The following LRP1B variants were observed in gnomAD, a reference collection of about 807,000 sequenced individuals.
LRP1B encodes the protein LDL receptor related protein 1B, also known as low-density lipoprotein receptor-related protein 1B.
A neutral mutation model predicts 556.6 loss-of-function variants in LRP1B; 217 were observed. The observed-to-expected ratio is 0.39, with a 90% confidence interval of 0.35 to 0.44. LRP1B has a LOEUF of 0.44. Among genes scored for constraint, LRP1B ranks in the 20% least tolerant of loss-of-function variants. LRP1B has a pLI of 1.00. For synonymous variants in LRP1B, 2,047 were observed against 1,865.8 expected, an observed-to-expected ratio of 1.10 and a Z score of -2.50; for missense variants, 5,053 against 5,620.8, an observed-to-expected ratio of 0.90 and a Z score of 3.23.
At chr2:141,798,202 A>G (rs1695885124) in intron 2 of LRP1B, among the ~76,000 whole-genome samples, 1 of 151,968 alleles carries the variant, frequency 6.6e-6, no homozygotes, top group African/African-American at 2.4e-5. Context: ...TGATGTGAAC[A>G]TGACAAATAT....
intron 2 of LRP1B, among the ~76,000 whole-genome samples, chr2:141,623,983 C>T (rs143538246): frequency 6.2e-4 from 79 of 128,384 alleles, no homozygotes; most frequent in African/African-American, 2.2e-3. Flanking sequence ...CCACCGCACT[C>T]TAGTTCTGGG....
At chr2:142,017,698 C>T (rs1042754277) in intron 1 of LRP1B, among the ~76,000 whole-genome samples, 1 of 151,996 alleles carries the variant, frequency 6.6e-6, no homozygotes, top group African/African-American at 2.4e-5. Flanking sequence ...AGTTTGAGAT[C>T]AACACAGTGG....
chr2:140,281,387 T>C (rs1682907164), intron 84 of LRP1B, among the ~76,000 whole-genome samples: 1 of 151,864 alleles, frequency 6.6e-6, no homozygotes. Flanking sequence ...TTGTAATAAT[T>C]AGTGAAGTGT....
intron 58 of LRP1B, 92 bp from the exon 59 acceptor site, chr2:140,485,616 C>A: frequency 1.2e-6 from 1 of 845,478 alleles, no homozygotes; most frequent in South Asian, 2.1e-5. Context: ...ATATAGAATT[C>A]CATTTAAATG....
At chr2:141,403,781 G>T (rs1221144172) in intron 3 of LRP1B, among the ~76,000 whole-genome samples, 1 of 152,074 alleles carries the variant, frequency 6.6e-6, no homozygotes, top group African/African-American at 2.4e-5. Flanking sequence ...GCGAATTCAG[G>T]TAATTCCAAG....
At chr2:140,361,533 A>T (rs1000892529) in intron 72 of LRP1B, among the ~76,000 whole-genome samples, 3 of 150,544 alleles carry the variant, frequency 2.0e-5, no homozygotes, top group Non-Finnish European at 4.4e-5. Flanking sequence ...AAAAGTAATC[A>T]TTTTTCTGGA....
intron 23 of LRP1B, among the ~76,000 whole-genome samples, chr2:140,898,089 C>G (rs1694002821): frequency 6.6e-6 from 1 of 152,144 alleles, no homozygotes; most frequent in South Asian, 2.1e-4. Context: ...CTGGGGGAAG[C>G]AATGCTGCCC....
chr2:141,403,480 G>A lies in LRP1B; in HGVS notation c.343+76916C>T, dbSNP rs192426195. 9.9e-5 allele frequency among the ~76,000 whole-genome samples: 15 copies of A among 152,192 alleles called. No homozygotes were observed. In the East Asian group the frequency reaches 2.1e-3, roughly 22 times the overall value. On this transcript the variant is annotated intron_variant, in intron 3 of 90. Coordinates refer to ENST00000389484, the MANE Select transcript of LRP1B (RefSeq NM_018557.3). ...TTCATCTATGTGAGGTTGAAGTTCA[G>A]ATGAAAGCTAAAATCAGCTTCCATC...
chr2:141,371,930 A>G (rs1420732255), intron 3 of LRP1B, among the ~76,000 whole-genome samples: 1 of 152,098 alleles, frequency 6.6e-6, no homozygotes, highest in Non-Finnish European at 1.5e-5. Context: ...AAAAGTGGGC[A>G]TTCTTGTCAT....
intron 1 of LRP1B, among the ~76,000 whole-genome samples, chr2:141,815,192 T>A (rs1385940175): frequency 6.6e-6 from 1 of 152,168 alleles, no homozygotes; most frequent in African/African-American, 2.4e-5. Context: ...TAGAAACACT[T>A]GCCCTGAAGA....
rs139917155 is a variant in LRP1B at position 141,282,303 on chromosome 2, A to G, written c.344-27662T>C. Among the ~76,000 whole-genome samples the G allele has an allele frequency of 8.9e-4, 135 of 152,214 alleles. 2 individuals are homozygous for G. In the East Asian group the frequency reaches 0.022, roughly 25 times the overall value. The stretch of plus-strand genomic sequence containing the variant: ...ACTTTTTAAGATAAATGAGCTTTAT[A>G]TTTTGTAGAGACAATCTGGACAATA... On this transcript the variant is annotated intron_variant, in intron 3 of 90. Coordinates refer to ENST00000389484, the MANE Select transcript of LRP1B (RefSeq NM_018557.3).
At chr2:140,595,722 A>G (rs954754662) in intron 43 of LRP1B, among the ~76,000 whole-genome samples, 1 of 152,138 alleles carries the variant, frequency 6.6e-6, no homozygotes, top group Admixed American at 6.5e-5. Context: ...TATACCATGT[A>G]ATAAACAAAA....
intron 57 of LRP1B, among the ~76,000 whole-genome samples, chr2:140,489,094 A>G (rs1024083061): frequency 1.3e-4 from 20 of 152,066 alleles, no homozygotes; most frequent in African/African-American, 4.8e-4. Context: ...AGGGTGTCCT[A>G]TGTATAGCAG....
chr2:141,198,882 C>T (rs1044625883), intron 6 of LRP1B, among the ~76,000 whole-genome samples: 5 of 152,144 alleles, frequency 3.3e-5, no homozygotes, highest in Non-Finnish European at 5.9e-5. Context: ...CATATTCAAT[C>T]TATCAATAAA....
intron 1 of LRP1B, among the ~76,000 whole-genome samples, chr2:141,947,344 G>A (rs11884031): frequency 0.032 from 4,831 of 152,140 alleles, 251 homozygotes; most frequent in African/African-American, 0.11. Context: ...GGATGAGGCA[G>A]GAGAATTGCT....
At chr2:142,052,261 CT>C (rs1162162516) in intron 1 of LRP1B, among the ~76,000 whole-genome samples, 1 of 152,000 alleles carries the variant, frequency 6.6e-6, no homozygotes, top group Non-Finnish European at 1.5e-5. Context: ...TTTAAAACCC[CT>C]ATAAACATTT....
At chr2:140,948,877 A>G (rs761418046) in intron 20 of LRP1B, among the ~76,000 whole-genome samples, 1 of 152,238 alleles carries the variant, frequency 6.6e-6, no homozygotes, top group Non-Finnish European at 1.5e-5. Context: ...AATCCGCAGA[A>G]CAGCTGGGCT....
At chr2:141,423,025 A>C (rs1680196694) in intron 3 of LRP1B, among the ~76,000 whole-genome samples, 1 of 152,194 alleles carries the variant, frequency 6.6e-6, no homozygotes, top group Non-Finnish European at 1.5e-5. Context: ...TTTTTTTATG[A>C]CAGGAAATAC....
intron 43 of LRP1B, among the ~76,000 whole-genome samples, chr2:140,587,545 A>T (rs1682035616): frequency 6.6e-6 from 1 of 152,194 alleles, no homozygotes; most frequent in African/African-American, 2.4e-5. Context: ...AGTAGAGAGT[A>T]GAATAGTAGC....
Sources: gnomAD v4.1 joint callset for allele counts (sites outside exome capture counted in the v4.1 genomes callset) on GRCh38, gnomAD v4.1.1 for gene constraint, MANE v1.5 for transcripts, NCBI Gene and HGNC (gene_info 2026-07-23, HGNC 2026-07-21) for gene names.